SSH2: variants seen among roughly 807,000 people sequenced by gnomAD.
The protein encoded by SSH2 is protein phosphatase Slingshot homolog 2.
In SSH2, 37 loss-of-function variants were observed where a neutral mutation model predicts 135.2. That is an observed-to-expected ratio of 0.27 (90% CI 0.21 to 0.36). The LOEUF (loss-of-function observed/expected upper bound fraction) is 0.36, where lower values mean the gene tolerates loss of function less well. Among genes scored for constraint, SSH2 ranks in the 10% least tolerant of loss-of-function variants. The pLI, the probability that SSH2 is intolerant of heterozygous loss-of-function variation, is 1.00. For synonymous variants in SSH2, 628 were observed against 646.2 expected (o/e 0.97, Z 0.43); for missense variants, 1,408 against 1,765.3 (o/e 0.80, Z 3.63).
rs1257021008 is a variant in SSH2, at chr17:29,814,296, G to A, written c.145-20359C>T. Among the ~76,000 whole-genome samples, 3 of 149,466 alleles carry A rather than the reference G, an allele frequency of 2.0e-5. No homozygotes were observed. The East Asian group carries it at 5.8e-4, about 29-fold the overall frequency. On this transcript the variant is annotated intron_variant, in intron 2 of 15. Coordinates refer to ENST00000540801, the MANE Select transcript of SSH2 (RefSeq NM_001282129.2). ...TAAAAATACAAAAAATTAGCCGGGC[G>A]TGGTGGCGCGCTTGTAGTCCCAGCT...
At chr17:29,822,463 G>C (rs1796243752) in intron 2 of SSH2, among the ~76,000 whole-genome samples, 1 of 151,824 alleles carries the variant, frequency 6.6e-6, no homozygotes, top group African/African-American at 2.4e-5. Flanking sequence ...CTGGACTCAA[G>C]GTATCCCCCT....
chr17:29,655,481 A>G (rs540564401), intron 12 of SSH2, 80 bp downstream of exon 12: 875 of 1,295,324 alleles, frequency 6.8e-4, no homozygotes, highest in Non-Finnish European at 9.4e-4. Flanking sequence ...TTACCCACTG[A>G]TACCTCTTTG....
intron 3 of SSH2, among the ~76,000 whole-genome samples, chr17:29,741,831 G>T (rs900108536): frequency 6.6e-6 from 1 of 151,784 alleles, no homozygotes; most frequent in African/African-American, 2.4e-5. Context: ...GGCCAGGCTG[G>T]TGTTGAATTC....
intron 2 of SSH2, among the ~76,000 whole-genome samples, chr17:29,820,891 G>A (rs2042639893): frequency 6.6e-6 from 1 of 152,102 alleles, no homozygotes; most frequent in African/African-American, 2.4e-5. Flanking sequence ...CTTCCCAGGG[G>A]TACTTGGACT....
chr17:29,696,628 C>A (rs952103389), intron 4 of SSH2, among the ~76,000 whole-genome samples: 8 of 145,750 alleles, frequency 5.5e-5, no homozygotes, highest in African/African-American at 2.0e-4. Flanking sequence ...TATATACACA[C>A]ACACACACAC....
At chr17:29,674,287 TA>T (rs2151051571) in intron 8 of SSH2, 1 of 414,900 alleles carries the variant, frequency 2.4e-6, no homozygotes, top group Admixed American at 2.8e-5. Context: ...AAAAATGCTT[TA>T]TATTACTCAA....
chr17:29,837,713 G>A (rs1307414042), intron 2 of SSH2, among the ~76,000 whole-genome samples: 3 of 152,262 alleles, frequency 2.0e-5, no homozygotes, highest in Non-Finnish European at 4.4e-5. Context: ...AAGACTTGCA[G>A]GGCTGGTCCC....
At chr17:29,916,278 C>T (rs2066880373) in intron 1 of SSH2, among the ~76,000 whole-genome samples, 1 of 152,052 alleles carries the variant, frequency 6.6e-6, no homozygotes, top group African/African-American at 2.4e-5. Context: ...CCTGGCTTAA[C>T]ACTAACAATA....
intron 1 of SSH2, among the ~76,000 whole-genome samples, chr17:29,910,571 A>G (rs1201642152): frequency 6.6e-6 from 1 of 152,248 alleles, no homozygotes. Flanking sequence ...CTTCTTAGAC[A>G]TATGTGTCAA....
intron 14 of SSH2, among the ~76,000 whole-genome samples, chr17:29,642,850 T>G (rs904709440): frequency 1.3e-5 from 2 of 152,130 alleles, no homozygotes; most frequent in African/African-American, 4.8e-5. Flanking sequence ...AAAACTTCTC[T>G]TCTACTAAGG....
intron 2 of SSH2, among the ~76,000 whole-genome samples, chr17:29,840,498 A>C (rs2043021247): frequency 6.6e-6 from 1 of 152,222 alleles, no homozygotes; most frequent in Non-Finnish European, 1.5e-5. Flanking sequence ...CTAAGAGAAT[A>C]TTTTTGGCCT....
intron 3 of SSH2, among the ~76,000 whole-genome samples, chr17:29,730,183 G>A (rs1471250786): frequency 6.6e-6 from 1 of 151,612 alleles, no homozygotes; most frequent in Admixed American, 6.6e-5. Context: ...TTAGTTGAGT[G>A]TGGTTGCACG....
chr17:29,675,988 C>T (rs2037699135), intron 8 of SSH2: 1 of 152,114 alleles, frequency 6.6e-6, no homozygotes, highest in African/African-American at 2.4e-5. Flanking sequence ...AAGCATCTGG[C>T]ATGTAGTAAA....
chr17:29,841,024 A>T (rs914664485), intron 2 of SSH2, among the ~76,000 whole-genome samples: 1 of 152,192 alleles, frequency 6.6e-6, no homozygotes, highest in African/African-American at 2.4e-5. Flanking sequence ...GCATAGCCTG[A>T]TAGCCACATC....
At chr17:29,905,994 G>C (rs2066646683) in intron 1 of SSH2, among the ~76,000 whole-genome samples, 1 of 152,096 alleles carries the variant, frequency 6.6e-6, no homozygotes, top group African/African-American at 2.4e-5. Flanking sequence ...TCTCTGATGA[G>C]AGCTGAACAC....
At chr17:29,853,802 A>T (rs1314284833) in intron 1 of SSH2, among the ~76,000 whole-genome samples, 3 of 151,806 alleles carry the variant, frequency 2.0e-5, no homozygotes, top group Non-Finnish European at 4.4e-5. Flanking sequence ...ACATAAGAAA[A>T]GCATTTAGAG....
chr17:29,708,706 G>A (rs2039312988), intron 3 of SSH2, among the ~76,000 whole-genome samples: 1 of 151,574 alleles, frequency 6.6e-6, no homozygotes, highest in African/African-American at 2.4e-5. Flanking sequence ...CAGAACTGCA[G>A]TAAACTCTAT....
At chr17:29,761,142 G>C (rs1437446238) in intron 3 of SSH2, 12 of 1,288,722 alleles carry the variant, frequency 9.3e-6, no homozygotes, top group African/African-American at 1.5e-5. Flanking sequence ...GGCGCGCGGC[G>C]GACTCACAGC....
chr17:29,816,967 A>C (rs1468846141), intron 2 of SSH2, among the ~76,000 whole-genome samples: 2 of 152,200 alleles, frequency 1.3e-5, no homozygotes, highest in Non-Finnish European at 2.9e-5. Context: ...TTACAGAACT[A>C]TTAACCTTGA....
Sources: allele counts gnomAD v4.1 joint callset (sites outside exome capture counted in the v4.1 genomes callset), GRCh38; gene constraint gnomAD v4.1.1; transcripts MANE v1.5; gene names NCBI Gene and HGNC (gene_info 2026-07-23, HGNC 2026-07-21).